FGF14: variants seen among roughly 807,000 people sequenced by gnomAD.
FGF14 encodes the protein fibroblast growth factor 14.
A neutral mutation model predicts 25.5 loss-of-function variants in FGF14; 5 were observed. That is an observed-to-expected ratio of 0.20 (90% CI 0.10 to 0.41). The LOEUF (loss-of-function observed/expected upper bound fraction) is 0.41. Ranked by LOEUF, FGF14 falls within the 10% of genes least tolerant of loss-of-function variation. FGF14 has a pLI of 1.00. For missense variants in FGF14, 222 were observed against 320.1 expected (o/e 0.69, Z 2.34); for synonymous variants, 138 against 118.3 (o/e 1.17, Z -1.08).
chr13:102,229,256 T>A (rs148493400), intron 1 of FGF14, among the ~76,000 whole-genome samples: 1 of 152,162 alleles, frequency 6.6e-6, no homozygotes, highest in Non-Finnish European at 1.5e-5. Context: ...TTCATTTAAA[T>A]CATGCAACCA....
intron 1 of FGF14, among the ~76,000 whole-genome samples, chr13:102,192,459 T>C (rs550471841): frequency 1.3e-5 from 2 of 152,310 alleles, no homozygotes; most frequent in African/African-American, 4.8e-5. Flanking sequence ...GGCTTTTTTA[T>C]TTATTTGCAA....
chr13:102,085,869 T>C (rs1162960806), intron 1 of FGF14, among the ~76,000 whole-genome samples: 1 of 152,236 alleles, frequency 6.6e-6, no homozygotes, highest in East Asian at 1.9e-4. Flanking sequence ...TGGAGGAAAA[T>C]CTGAAGACAA....
chr13:102,023,674 C>T, intron 1 of FGF14, among the ~76,000 whole-genome samples: 1 of 152,166 alleles, frequency 6.6e-6, no homozygotes, highest in African/African-American at 2.4e-5. Flanking sequence ...CTGGGCAATT[C>T]ATATCAATGG....
chr13:101,840,500 TTGAC>T (rs2043144555), intron 3 of FGF14, among the ~76,000 whole-genome samples: 1 of 151,724 alleles, frequency 6.6e-6, no homozygotes, highest in African/African-American at 2.4e-5. Context: ...TTATAGAAAT[TTGAC>T]TGGCTCTATT....
chr13:102,129,259 A>T (rs1299041285), intron 1 of FGF14, among the ~76,000 whole-genome samples: 1 of 149,302 alleles, frequency 6.7e-6, no homozygotes, highest in African/African-American at 2.5e-5. Context: ...CAAAAAAAAG[A>T]AAGAAAGAAA....
chr13:102,161,161 T>C (rs889369747), intron 1 of FGF14, among the ~76,000 whole-genome samples: 1 of 152,144 alleles, frequency 6.6e-6, no homozygotes, highest in African/African-American at 2.4e-5. Flanking sequence ...TGAAAATATC[T>C]ACAATGTATC....
intron 1 of FGF14, among the ~76,000 whole-genome samples, chr13:102,194,928 ACTATG>A (rs1382320803): frequency 6.6e-6 from 1 of 152,184 alleles, no homozygotes; most frequent in Non-Finnish European, 1.5e-5. Context: ...CTTATCAGAA[ACTATG>A]GTTTCCAGAA....
intron 1 of FGF14, among the ~76,000 whole-genome samples, chr13:102,284,750 T>C (rs2054011031): frequency 6.6e-6 from 1 of 152,152 alleles, no homozygotes; most frequent in Admixed American, 6.5e-5. Flanking sequence ...TGCTTACTCA[T>C]GGTTTTGATG....
chr13:102,206,961 G>A (rs1436231902), intron 1 of FGF14, among the ~76,000 whole-genome samples: 3 of 152,026 alleles, frequency 2.0e-5, no homozygotes, highest in African/African-American at 7.2e-5. Context: ...GTAAAAGCCT[G>A]TATTGGATAA....
At chr13:101,909,299 C>A (rs546057323) in intron 1 of FGF14, among the ~76,000 whole-genome samples, 1 of 152,294 alleles carries the variant, frequency 6.6e-6, no homozygotes, top group East Asian at 1.9e-4. Context: ...TCAGAGTGAA[C>A]AGGCAACCTA....
intron 1 of FGF14, among the ~76,000 whole-genome samples, chr13:102,136,828 A>G (rs2046432836): frequency 6.6e-6 from 1 of 152,200 alleles, no homozygotes; most frequent in Non-Finnish European, 1.5e-5. Flanking sequence ...GCTCATATGT[A>G]TTTGATGTAT....
intron 3 of FGF14, among the ~76,000 whole-genome samples, chr13:101,861,009 TC>T (rs1462693303): frequency 6.6e-6 from 1 of 152,100 alleles, no homozygotes; most frequent in Non-Finnish European, 1.5e-5. Flanking sequence ...GCATGTAGAT[TC>T]TATATACTTA....
At chr13:102,172,249 C>T (rs2048281151) in intron 1 of FGF14, among the ~76,000 whole-genome samples, 2 of 152,026 alleles carry the variant, frequency 1.3e-5, no homozygotes. Flanking sequence ...TTTAAAACAA[C>T]TCTATTCCAC....
At chr13:102,189,008 GAGAAAGAATGAAAGAAGAAAA>G (rs2049003208) in intron 1 of FGF14, among the ~76,000 whole-genome samples, 1 of 70,350 alleles carries the variant, frequency 1.4e-5, no homozygotes, top group African/African-American at 6.3e-5. Flanking sequence ...AAGAAAGAAA[GAGAAAGAATGAAAGAAGAAAA>G]GAAAGAAAGA....
intron 3 of FGF14, among the ~76,000 whole-genome samples, chr13:101,813,125 G>C (rs979582191): frequency 2.0e-5 from 3 of 152,126 alleles, no homozygotes; most frequent in African/African-American, 7.2e-5. Flanking sequence ...GTGAGAGTTG[G>C]TGACATCCTT....
At chr13:102,143,005 C>T (rs1004742409) in intron 1 of FGF14, among the ~76,000 whole-genome samples, 3 of 152,172 alleles carry the variant, frequency 2.0e-5, no homozygotes, top group Non-Finnish European at 2.9e-5. Flanking sequence ...TGTTTCCTTT[C>T]CTGCTTCAGG....
chr13:101,769,158 T>A (rs1467876668), intron 3 of FGF14, among the ~76,000 whole-genome samples: 4 of 152,064 alleles, frequency 2.6e-5, no homozygotes, highest in Non-Finnish European at 4.4e-5. Context: ...CCTTAACAGA[T>A]AAGTTGCCAA....
chr13:101,752,302 T>G (rs1340836781), intron 3 of FGF14, among the ~76,000 whole-genome samples: 2 of 152,204 alleles, frequency 1.3e-5, no homozygotes, highest in African/African-American at 2.4e-5. Flanking sequence ...ATCATCTTTA[T>G]CTTTTCAACA....
At position 101,715,857 on chromosome 13, in the gene FGF14, G is replaced by T; in HGVS notation, c.*6974C>A. ...GATGCAAATAACATTAGAAAAAAAA[G>T]ATTCTTCCATAATTAACATAAGTGG... On this transcript the variant is annotated 3_prime_UTR_variant, in exon 5 of 5. Transcript: ENST00000376143. 2.2e-6 allele frequency: 1 copy of T among 460,416 alleles called. No individual in the cohort carries two copies. The highest frequency in any genetic ancestry group is 3.9e-6 in the Non-Finnish European group (1 of 257,188). 28.5% of individuals were successfully genotyped at this position (460,416 alleles called of 1,614,324 possible).
Sources: allele counts gnomAD v4.1 joint callset (sites outside exome capture counted in the v4.1 genomes callset), GRCh38; gene constraint gnomAD v4.1.1; transcripts MANE v1.5; gene names NCBI Gene and HGNC (gene_info 2026-07-23, HGNC 2026-07-21).